Variants in PRKG1 observed in about 807,000 individuals in gnomAD.
PRKG1 encodes protein kinase cGMP-dependent 1.
PRKG1 carries 35 observed loss-of-function variants against 88.1 expected under a neutral mutation model. The ratio of observed to expected loss-of-function variants is 0.40; its 90% CI spans 0.30 to 0.53. The LOEUF (loss-of-function observed/expected upper bound fraction) is 0.53. PRKG1 is among the 20% of genes least tolerant of loss of function. The pLI is 0.59. For missense variants in PRKG1, 540 were observed against 839.8 expected (o/e 0.64, Z 4.41); for synonymous variants, 303 against 292.5 (o/e 1.04, Z -0.37).
At chr10:52,151,633 T>A (rs1317490099) in intron 8 of PRKG1, among the ~76,000 whole-genome samples, 1 of 152,202 alleles carries the variant, frequency 6.6e-6, no homozygotes, top group Non-Finnish European at 1.5e-5. Flanking sequence ...TTGCTAACAC[T>A]TAAAATAATT....
intron 1 of PRKG1, among the ~76,000 whole-genome samples, chr10:51,129,338 G>A (rs975699626): frequency 2.0e-5 from 3 of 151,972 alleles, no homozygotes; most frequent in African/African-American, 7.3e-5. Flanking sequence ...CCAGCTACTC[G>A]GGAGGCTGAG....
intron 2 of PRKG1, among the ~76,000 whole-genome samples, chr10:51,204,830 C>T (rs7905063): frequency 0.62 from 94,120 of 151,888 alleles, 30,449 homozygotes; most frequent in African/African-American, 0.83. Flanking sequence ...CATGAAAGCA[C>T]TGAATAGATC....
At chr10:51,842,600 T>C (rs368522831) in intron 4 of PRKG1, among the ~76,000 whole-genome samples, 8 of 152,210 alleles carry the variant, frequency 5.3e-5, no homozygotes, top group African/African-American at 1.7e-4. Context: ...ATGCTTTTCA[T>C]GTGAGTGGAA....
intron 9 of PRKG1, among the ~76,000 whole-genome samples, chr10:52,203,266 T>G (rs1447309243): frequency 6.6e-6 from 1 of 152,224 alleles, no homozygotes; most frequent in Non-Finnish European, 1.5e-5. Context: ...TTAATTTCAT[T>G]GTTTAACCCA....
chr10:51,944,241 T>G (rs1207895338), intron 5 of PRKG1, among the ~76,000 whole-genome samples: 1 of 152,084 alleles, frequency 6.6e-6, no homozygotes, highest in African/African-American at 2.4e-5. Context: ...TTTATTTGCA[T>G]AGAGGTGTTT....
In PRKG1 at chr10:52,257,030, C is replaced by T. The variant is rs111689012; in HGVS notation, c.1173+5364C>T. On this transcript the variant is annotated intron_variant, in intron 10 of 17. Coordinates refer to ENST00000373980, the MANE Select transcript of PRKG1 (RefSeq NM_006258.4). Reference sequence around the variant, plus strand: ...CTGCTGAATCATACCTAGTTCCTCTCCAGCCTTCTTAACCCATGGCACCTC... The same window carrying T: ...CTGCTGAATCATACCTAGTTCCTCTTCAGCCTTCTTAACCCATGGCACCTC... Among the ~76,000 whole-genome samples, 22 of 139,278 alleles carry T rather than the reference C, an allele frequency of 1.6e-4. 2 individuals are homozygous for T. The highest frequency in any genetic ancestry group is 5.2e-4 in the African/African-American group (21 of 40,164). 91.4% of individuals were successfully genotyped at this position (139,278 alleles called of 152,430 possible).
chr10:51,204,367 C>T (rs112236664), intron 2 of PRKG1, among the ~76,000 whole-genome samples: 3,036 of 145,960 alleles, frequency 0.021, 47 homozygotes, highest in Middle Eastern at 0.052. Flanking sequence ...AGTAGACCTC[C>T]GTGTGTGTGT....
chr10:51,725,001 C>T (rs1015657562), intron 3 of PRKG1, among the ~76,000 whole-genome samples: 3 of 151,514 alleles, frequency 2.0e-5, no homozygotes, highest in Non-Finnish European at 4.4e-5. Flanking sequence ...TGAGCCACTG[C>T]ACCTGGCCTC....
rs149533003 is a variant in PRKG1, at chr10:51,517,679, A to T, written c.592+49843A>T. Among the ~76,000 whole-genome samples, 175 of 152,086 alleles carry T rather than the reference A, an allele frequency of 1.2e-3. 1 individual carries two copies. Among genetic ancestry groups the T allele is most frequent in the African/African-American group, 3.8e-3 (158 of 41,512 alleles). ...ACTTATAGGTCTATTTCTATAATTT[A>T]TTTTTTTCACTTGGGCTTGTTTCCT... On this transcript the variant is annotated intron_variant, in intron 3 of 17. Coordinates refer to ENST00000373980, the MANE Select transcript of PRKG1 (RefSeq NM_006258.4).
At chr10:51,103,694 G>A (rs1188319600) in intron 1 of PRKG1, among the ~76,000 whole-genome samples, 4 of 152,176 alleles carry the variant, frequency 2.6e-5, no homozygotes, top group South Asian at 2.1e-4. Context: ...CAGGTTAACA[G>A]GCAGGAAGTG....
At chr10:52,166,007 G>A (rs1838424747) in intron 9 of PRKG1, among the ~76,000 whole-genome samples, 1 of 152,114 alleles carries the variant, frequency 6.6e-6, no homozygotes, top group South Asian at 2.1e-4. Flanking sequence ...AATTGTTCTT[G>A]GCAGAAATTT....
rs763065983 is a variant in PRKG1 at position 51,698,800 on chromosome 10, A to C, written c.593-105785A>C. ...GGATAGGAGTCTGCATCAGAGGAGG[A>C]ATGTCCTTCACAGGTCTTCTAGCCA... On this transcript the variant is annotated intron_variant, in intron 3 of 17. Transcript: ENST00000373980. The C allele has an allele frequency of 2.5e-6, 4 of 1,614,164 alleles. No homozygotes were observed. In the South Asian group the frequency reaches 4.4e-5, roughly 18 times the overall value.
chr10:51,832,989 G>A (rs1013930315), intron 4 of PRKG1, among the ~76,000 whole-genome samples: 3 of 152,300 alleles, frequency 2.0e-5, no homozygotes, highest in African/African-American at 7.2e-5. Flanking sequence ...ATTACAGGGA[G>A]GGGGTTCACA....
chr10:51,242,725 C>T (rs1839186564), intron 2 of PRKG1, among the ~76,000 whole-genome samples: 1 of 151,934 alleles, frequency 6.6e-6, no homozygotes, highest in Non-Finnish European at 1.5e-5. Flanking sequence ...TTGTAATTGA[C>T]CAGAGGTTGA....
At chr10:51,662,298 T>A (rs1435955005) in intron 3 of PRKG1, among the ~76,000 whole-genome samples, 2 of 152,144 alleles carry the variant, frequency 1.3e-5, no homozygotes, top group East Asian at 3.8e-4. Flanking sequence ...GATAAGGGCA[T>A]AAAAAGACAG....
At chr10:51,611,977 C>T (rs1838922229) in intron 3 of PRKG1, among the ~76,000 whole-genome samples, 1 of 151,828 alleles carries the variant, frequency 6.6e-6, no homozygotes, top group Admixed American at 6.6e-5. Context: ...TGGTTTTCTA[C>T]TCTTTTCTAT....
At chr10:51,963,001 T>C (rs978712183) in intron 5 of PRKG1, among the ~76,000 whole-genome samples, 1 of 152,242 alleles carries the variant, frequency 6.6e-6, no homozygotes, top group Non-Finnish European at 1.5e-5. Flanking sequence ...AAAGGCTGGA[T>C]GCTCTCAGTG....
chr10:51,651,687 G>A (rs529720994), intron 3 of PRKG1, among the ~76,000 whole-genome samples: 8 of 151,656 alleles, frequency 5.3e-5, no homozygotes, highest in South Asian at 2.1e-4. Flanking sequence ...AGGTTCAAGC[G>A]ATTCTCCTGC....
chr10:51,067,915 C>T (rs895524476), intron 1 of PRKG1, among the ~76,000 whole-genome samples: 1 of 151,996 alleles, frequency 6.6e-6, no homozygotes, highest in Non-Finnish European at 1.5e-5. Context: ...AGATTAAATG[C>T]CTGTGCTTTC....
Sources: allele counts gnomAD v4.1 joint callset (sites outside exome capture counted in the v4.1 genomes callset), GRCh38; gene constraint gnomAD v4.1.1; transcripts MANE v1.5; gene names NCBI Gene and HGNC (gene_info 2026-07-23, HGNC 2026-07-21).